NDUFAF2: variants seen among roughly 807,000 people sequenced by gnomAD.
NDUFAF2 encodes the protein NADH:ubiquinone oxidoreductase complex assembly factor 2.
Under a neutral mutation model 22.8 loss-of-function variants are expected in NDUFAF2, and 13 were observed. That is an observed-to-expected ratio of 0.57 (90% CI 0.37 to 0.91). The LOEUF (loss-of-function observed/expected upper bound fraction) is 0.91. Among genes scored for constraint, NDUFAF2 ranks in the 40% least tolerant of loss-of-function variants. The probability of loss-of-function intolerance (pLI) is 0.01; values close to 1 mark genes in which losing one functional copy is unlikely to be tolerated. For synonymous variants in NDUFAF2, 53 were observed against 64.2 expected (o/e 0.83, Z 0.84); for missense variants, 162 against 195.2 (o/e 0.83, Z 1.01).
chr5:61,006,711 T>G (rs181003647), intron 1 of NDUFAF2, among the ~76,000 whole-genome samples: 157 of 152,244 alleles, frequency 1.0e-3, no homozygotes, highest in African/African-American at 3.7e-3. Context: ...CAATTGTGAA[T>G]TAGAAAACTG....
At chr5:61,135,781 C>T (rs188583434) in intron 3 of NDUFAF2, among the ~76,000 whole-genome samples, 6 of 151,908 alleles carry the variant, frequency 3.9e-5, no homozygotes, top group East Asian at 1.9e-4. Flanking sequence ...GCCAGAATCA[C>T]GTGGGCAAGG....
chr5:61,023,016 C>G (rs1751604290), intron 1 of NDUFAF2, among the ~76,000 whole-genome samples: 1 of 152,016 alleles, frequency 6.6e-6, no homozygotes, highest in Non-Finnish European at 1.5e-5. Flanking sequence ...TTTATTTATT[C>G]TGATTTTTGT....
At chr5:61,129,586 G>A (rs1395989334) in intron 3 of NDUFAF2, among the ~76,000 whole-genome samples, 2 of 141,084 alleles carry the variant, frequency 1.4e-5, no homozygotes, top group Non-Finnish European at 3.0e-5. Flanking sequence ...GGTGGGAATT[G>A]AACAATGAGA....
intron 3 of NDUFAF2, among the ~76,000 whole-genome samples, chr5:61,142,248 T>C (rs1181233980): frequency 6.6e-6 from 1 of 152,210 alleles, no homozygotes; most frequent in African/African-American, 2.4e-5. Flanking sequence ...TGCGTATATA[T>C]GGGAGTTCAT....
At chr5:61,040,863 A>G (rs1751872714) in intron 1 of NDUFAF2, among the ~76,000 whole-genome samples, 1 of 152,196 alleles carries the variant, frequency 6.6e-6, no homozygotes, top group African/African-American at 2.4e-5. Flanking sequence ...CAAAAGTAGG[A>G]TAACTGTTGT....
chr5:61,122,374 G>A (rs1378835012), intron 3 of NDUFAF2, among the ~76,000 whole-genome samples: 1 of 152,100 alleles, frequency 6.6e-6, no homozygotes, highest in Non-Finnish European at 1.5e-5. Flanking sequence ...AAAGTGTTTA[G>A]CCAGTGCATA....
chr5:61,014,429 T>G (rs1175927726), intron 1 of NDUFAF2, among the ~76,000 whole-genome samples: 3 of 152,216 alleles, frequency 2.0e-5, no homozygotes, highest in African/African-American at 7.2e-5. Flanking sequence ...GCTGTTCATT[T>G]GTATCCTTTA....
At chr5:61,040,335 T>C (rs948124645) in intron 1 of NDUFAF2, among the ~76,000 whole-genome samples, 1 of 150,632 alleles carries the variant, frequency 6.6e-6, no homozygotes, top group Non-Finnish European at 1.5e-5. Flanking sequence ...GTAATGCAGC[T>C]ACAAGCCAAG....
chr5:61,006,768 T>C (rs1036988228), intron 1 of NDUFAF2, among the ~76,000 whole-genome samples: 3 of 152,090 alleles, frequency 2.0e-5, no homozygotes, highest in African/African-American at 7.2e-5. Flanking sequence ...CTAGAGAATG[T>C]ATTGCAGTAC....
chr5:61,119,155 T>C (rs1561570849), intron 3 of NDUFAF2, among the ~76,000 whole-genome samples: 1 of 152,194 alleles, frequency 6.6e-6, no homozygotes, highest in Non-Finnish European at 1.5e-5. Flanking sequence ...TGAGGAATTG[T>C]CACAGTAATG....
Position 61,107,090 on chromosome 5 carries a change from C to CACACACACACACACACACAT in NDUFAF2, c.258+8059_258+8060insCACACACACACACACACATA, listed in dbSNP as rs918380662. Among the ~76,000 whole-genome samples, 51 of 146,152 alleles carry CACACACACACACACACACAT rather than the reference C, an allele frequency of 3.5e-4. 1 individual carries two copies. The highest frequency in any genetic ancestry group is 1.3e-3 in the African/African-American group (49 of 37,866). ...ACACACACACACACACACACACACA[C>CACACACACACACACACACAT]ATATATGCCTAGCAGTAGAATTGCT... On this transcript the variant is annotated intron_variant, in intron 3 of 3. Transcript: ENST00000296597.
chr5:60,960,520 C>A (rs148760950), intron 1 of NDUFAF2, among the ~76,000 whole-genome samples: 20 of 152,302 alleles, frequency 1.3e-4, no homozygotes, highest in African/African-American at 4.8e-4. Flanking sequence ...CTCAGTTCAG[C>A]AGTTCCTTTC....
At chr5:60,969,345 C>CT (rs976877918) in intron 1 of NDUFAF2, among the ~76,000 whole-genome samples, 5 of 152,062 alleles carry the variant, frequency 3.3e-5, no homozygotes, top group African/African-American at 1.2e-4. Context: ...TACAAGGGTT[C>CT]TTTTTTCTCC....
intron 1 of NDUFAF2, among the ~76,000 whole-genome samples, chr5:60,961,961 T>TAAA (rs539647979): frequency 3.0e-4 from 43 of 142,644 alleles, no homozygotes; most frequent in African/African-American, 1.1e-3. Context: ...ACTCTTTCTC[T>TAAA]AAAAAAAAAA....
chr5:61,016,653 A>G (rs905107792), intron 1 of NDUFAF2, among the ~76,000 whole-genome samples: 3 of 152,188 alleles, frequency 2.0e-5, no homozygotes, highest in African/African-American at 7.2e-5. Flanking sequence ...GTCCTCCGCT[A>G]TTGTGGTAGG....
chr5:61,056,922 ATAT>A (rs1334177936), intron 1 of NDUFAF2, among the ~76,000 whole-genome samples: 26 of 42,494 alleles, frequency 6.1e-4, no homozygotes, highest in African/African-American at 1.5e-3. Flanking sequence ...AAAAAAAAAT[ATAT>A]ATATATATAT....
At position 61,095,580 on chromosome 5, in the gene NDUFAF2, A is replaced by G. The variant is rs564894914; in HGVS notation, c.218-3412A>G. On this transcript the variant is annotated intron_variant, in intron 2 of 3. Coordinates refer to ENST00000296597, the MANE Select transcript of NDUFAF2 (RefSeq NM_174889.5). ...TGACAGAGCTGCAGTCACTATTGCC[A>G]GGAAGTGTGGAGCCTAAGTATGTAG... 3.1e-3 allele frequency among the ~76,000 whole-genome samples: 381 copies of G among 121,596 alleles called. 1 individual carries two copies. The highest frequency in any genetic ancestry group is 5.1e-3 in the Non-Finnish European group (279 of 55,204). The allele number at this position is 121,596 out of a possible 152,430, so 79.8% of individuals were successfully genotyped here.
intron 1 of NDUFAF2, among the ~76,000 whole-genome samples, chr5:60,950,637 C>T (rs1580063194): frequency 6.9e-6 from 1 of 144,284 alleles, no homozygotes; most frequent in Non-Finnish European, 1.5e-5. Flanking sequence ...TGCTTGCTTG[C>T]TGGGTTTTTT....
chr5:61,028,473 C>T (rs745821097), intron 1 of NDUFAF2, among the ~76,000 whole-genome samples: 2 of 152,098 alleles, frequency 1.3e-5, no homozygotes, highest in African/African-American at 2.4e-5. Flanking sequence ...CCTTCTTCAA[C>T]ACTTGCATTT....
Sources: allele counts gnomAD v4.1 joint callset (sites outside exome capture counted in the v4.1 genomes callset), GRCh38; gene constraint gnomAD v4.1.1; transcripts MANE v1.5; gene names NCBI Gene and HGNC (gene_info 2026-07-23, HGNC 2026-07-21).